The following PPP4R2 variants were observed in gnomAD, a reference collection of about 807,000 sequenced individuals.
PPP4R2 encodes the protein serine/threonine-protein phosphatase 4 regulatory subunit 2.
Under a neutral mutation model 47.2 loss-of-function variants are expected in PPP4R2, and 13 were observed. The observed-to-expected ratio is 0.28, with a 90% confidence interval of 0.18 to 0.44. The LOEUF is 0.44. Among genes scored for constraint, PPP4R2 ranks in the 20% least tolerant of loss-of-function variants. The pLI, the probability that PPP4R2 is intolerant of heterozygous loss-of-function variation, is 1.00. For synonymous variants in PPP4R2, 151 were observed against 163.3 expected, an observed-to-expected ratio of 0.92 and a Z score of 0.57; for missense variants, 421 against 491.2, an observed-to-expected ratio of 0.86 and a Z score of 1.35.
At chr3:73,022,689 T>C (rs1413748695) in intron 2 of PPP4R2, among the ~76,000 whole-genome samples, 1 of 152,172 alleles carries the variant, frequency 6.6e-6, no homozygotes, top group African/African-American at 2.4e-5. Flanking sequence ...ATTATGTTTT[T>C]CTCCACATTT....
In PPP4R2 at chr3:73,001,112, G is replaced by A. The variant is rs993198722; in HGVS notation, c.116+2954G>A. ...AATCAGATATTTCTCAAGAAGACCT[G>A]CCTTTTAGTGGGAAATGGCATTTCA... On this transcript the variant is annotated intron_variant, in intron 2 of 8. Coordinates refer to ENST00000356692, the MANE Select transcript of PPP4R2 (RefSeq NM_174907.4). Among the ~76,000 whole-genome samples the A allele has an allele frequency of 2.0e-5, 3 of 152,048 alleles. No individual in the cohort carries two copies. In the East Asian group the frequency reaches 5.8e-4, roughly 29 times the overall value.
At chr3:73,013,936 C>T (rs115729720) in intron 2 of PPP4R2, among the ~76,000 whole-genome samples, 10,215 of 73,438 alleles carry the variant, frequency 0.14, 2,675 homozygotes, top group African/African-American at 0.35. Context: ...CCACCGCGCC[C>T]GGGCTTGTAT....
intron 2 of PPP4R2, among the ~76,000 whole-genome samples, chr3:73,028,815 A>G (rs1386231387): frequency 2.0e-5 from 3 of 152,140 alleles, no homozygotes; most frequent in Non-Finnish European, 4.4e-5. Flanking sequence ...CAGACTAACA[A>G]GGAGGCCACT....
chr3:73,030,204 G>A (rs1344288443), intron 2 of PPP4R2, among the ~76,000 whole-genome samples: 3 of 152,162 alleles, frequency 2.0e-5, no homozygotes, highest in African/African-American at 7.2e-5. Flanking sequence ...TAGGAGAAAG[G>A]GGAGAATTGC....
intron 3 of PPP4R2, among the ~76,000 whole-genome samples, chr3:73,053,924 A>AAAAAAG (rs1339701674): frequency 1.3e-5 from 2 of 150,866 alleles, no homozygotes; most frequent in African/African-American, 2.4e-5. Context: ...AAAAAAAAAA[A>AAAAAAG]GCGAAATCTG....
chr3:73,021,356 C>T (rs907709171), intron 2 of PPP4R2, among the ~76,000 whole-genome samples: 3 of 151,864 alleles, frequency 2.0e-5, no homozygotes, highest in Non-Finnish European at 4.4e-5. Context: ...GCCTCAGCCT[C>T]CTGAGTAGCT....
chr3:73,019,396 C>T (rs986795700), intron 2 of PPP4R2, among the ~76,000 whole-genome samples: 15 of 152,116 alleles, frequency 9.9e-5, no homozygotes, highest in Admixed American at 2.0e-4. Flanking sequence ...ATTTTTGGGA[C>T]GGAGTCTTAC....
intron 3 of PPP4R2, among the ~76,000 whole-genome samples, chr3:73,055,804 G>T (rs1400736967): frequency 6.6e-6 from 1 of 151,972 alleles, no homozygotes; most frequent in Non-Finnish European, 1.5e-5. Flanking sequence ...GAGTAGCTAG[G>T]ATTACAGGCC....
intron 5 of PPP4R2, chr3:73,061,803 T>TC (rs1378382570): frequency 8.7e-6 from 3 of 345,496 alleles, no homozygotes; most frequent in African/African-American, 6.7e-5. Flanking sequence ...ACTCTAGTGA[T>TC]CCTCCCGCCT....
At chr3:73,058,993 T>C in intron 3 of PPP4R2, 44 bp from the exon 4 acceptor site, 1 of 1,159,042 alleles carries the variant, frequency 8.6e-7, no homozygotes, top group Non-Finnish European at 1.3e-6. Flanking sequence ...CTCGTTTTCT[T>C]GATTATCAGT....
Position 73,062,033 on chromosome 3 carries a change from T to C in PPP4R2, c.419+973T>C, listed in dbSNP as rs1449292021. Reference sequence around the variant, plus strand: ...TTGTTTTGCTCATGAACGTGAGGTATTTTGGAAAAATGGTAAAGAAGTGCA... The same window carrying C: ...TTGTTTTGCTCATGAACGTGAGGTACTTTGGAAAAATGGTAAAGAAGTGCA... On this transcript the variant is annotated intron_variant, in intron 5 of 8. Coordinates refer to ENST00000356692, the MANE Select transcript of PPP4R2 (RefSeq NM_174907.4). 5.1e-6 allele frequency: 7 copies of C among 1,376,194 alleles called. No homozygotes were observed. In the East Asian group the frequency reaches 1.8e-4, roughly 35 times the overall value. The allele number at this position is 1,376,194 out of a possible 1,614,324, so 85.2% of individuals were successfully genotyped here.
Position 73,054,169 on chromosome 3 carries a change from C to T in PPP4R2, c.288-4868C>T, listed in dbSNP as rs147651254. On this transcript the variant is annotated intron_variant, in intron 3 of 8. Coordinates refer to ENST00000356692, the MANE Select transcript of PPP4R2 (RefSeq NM_174907.4). ...CTGACCTCAGGTGATCCACCCGCCTCGGTCCCCCAAAATGCTGGGATTACA... is the reference window on the plus strand; with the variant it reads ...CTGACCTCAGGTGATCCACCCGCCTTGGTCCCCCAAAATGCTGGGATTACA... Among the ~76,000 whole-genome samples the T allele has an allele frequency of 3.3e-5, 5 of 152,236 alleles. No individual in the cohort carries two copies. The East Asian group carries it at 7.8e-4, about 24-fold the overall frequency.
At position 73,068,812 on chromosome 3, in the gene PPP4R2, T is replaced by A. The variant is rs1042124362; in HGVS notation, c.*3090T>A. 3 of 152,174 alleles carry A rather than the reference T, an allele frequency of 2.0e-5. No individual in the cohort carries two copies. Among genetic ancestry groups the A allele is most frequent in the African/African-American group, 7.2e-5 (3 of 41,448 alleles). The allele number at this position is 152,174 out of a possible 1,614,324, so 9.4% of individuals were successfully genotyped here. A position where few individuals can be genotyped will look rare whatever the true frequency, so the allele number is the denominator to read the frequency against. On this transcript the variant is annotated 3_prime_UTR_variant, in exon 9 of 9. Coordinates refer to ENST00000356692, the MANE Select transcript of PPP4R2 (RefSeq NM_174907.4). ...ATCTAAAGCTGCTACAATGTTTGATTATGAAAAAAATGTAACATGGTAAGG... is the reference window on the plus strand; with the variant it reads ...ATCTAAAGCTGCTACAATGTTTGATAATGAAAAAAATGTAACATGGTAAGG...
chr3:73,056,911 A>C (rs1461142327), intron 3 of PPP4R2, among the ~76,000 whole-genome samples: 3 of 152,218 alleles, frequency 2.0e-5, no homozygotes, highest in Non-Finnish European at 4.4e-5. Flanking sequence ...TTTAGTAGGA[A>C]GAAAAAGCAT....
chr3:73,003,211 C>T (rs1467080067), intron 2 of PPP4R2, among the ~76,000 whole-genome samples: 1 of 134,188 alleles, frequency 7.5e-6, no homozygotes, highest in Non-Finnish European at 1.6e-5. Context: ...CGTAACTTTC[C>T]CTTTTGTTTT....
intron 2 of PPP4R2, among the ~76,000 whole-genome samples, chr3:73,016,521 G>A (rs1435985148): frequency 6.6e-6 from 1 of 152,092 alleles, no homozygotes; most frequent in Non-Finnish European, 1.5e-5. Context: ...GATTTTAAAA[G>A]TGTCTTGAAG....
chr3:73,034,094 T>G (rs905585385), intron 2 of PPP4R2, among the ~76,000 whole-genome samples: 29 of 152,264 alleles, frequency 1.9e-4, no homozygotes, highest in African/African-American at 6.7e-4. Context: ...TGTTTTTGAT[T>G]TAAAATAATC....
intron 2 of PPP4R2, among the ~76,000 whole-genome samples, chr3:73,005,587 G>T (rs939929709): frequency 1.3e-5 from 2 of 151,730 alleles, no homozygotes; most frequent in African/African-American, 2.4e-5. Flanking sequence ...GGTGGCTCAC[G>T]CCTGTAATCC....
chr3:73,019,478 A>T (rs1396541103), intron 2 of PPP4R2, among the ~76,000 whole-genome samples: 1 of 152,090 alleles, frequency 6.6e-6, no homozygotes, highest in Non-Finnish European at 1.5e-5. Flanking sequence ...GGTTCAAGTG[A>T]TTCTCCTGCC....
Sources: allele counts gnomAD v4.1 joint callset (sites outside exome capture counted in the v4.1 genomes callset), GRCh38; gene constraint gnomAD v4.1.1; transcripts MANE v1.5; gene names NCBI Gene and HGNC (gene_info 2026-07-23, HGNC 2026-07-21).